The following LRRC19 variants were observed in gnomAD, a reference collection of about 807,000 sequenced individuals.
LRRC19 encodes leucine rich repeat containing 19.
In LRRC19, 33 loss-of-function variants were observed where a neutral mutation model predicts 33.3. That is an observed-to-expected ratio of 0.99 (90% CI 0.75 to 1.33). The LOEUF (loss-of-function observed/expected upper bound fraction) is 1.33. Among genes scored for constraint, LRRC19 ranks in the 40% most tolerant of loss-of-function variants. LRRC19 has a pLI of 0.00. For missense variants in LRRC19, 463 were observed against 417.3 expected (o/e 1.11, Z -0.95); for synonymous variants, 184 against 152.3 (o/e 1.21, Z -1.53).
intron 1 of LRRC19, among the ~76,000 whole-genome samples, chr9:27,001,195 C>A (rs1197545161): frequency 6.6e-6 from 1 of 151,794 alleles, no homozygotes; most frequent in Non-Finnish European, 1.5e-5. Flanking sequence ...TTTTTTTAAT[C>A]CATTCATCTG....
chr9:26,999,207 A>T (rs891854456), intron 2 of LRRC19, among the ~76,000 whole-genome samples: 1 of 152,226 alleles, frequency 6.6e-6, no homozygotes, highest in South Asian at 2.1e-4. Flanking sequence ...GTTTTTACTG[A>T]ACAGTAAACT....
At chr9:26,998,868 C>T (rs1376141353) in intron 2 of LRRC19, among the ~76,000 whole-genome samples, 1 of 151,826 alleles carries the variant, frequency 6.6e-6, no homozygotes, top group African/African-American at 2.4e-5. Flanking sequence ...GTGGCAAGCA[C>T]CTGTAATCCC....
rs1828001259 is a variant in LRRC19, at chr9:26,993,805, G to A, written c.*1716C>T. ...TGACCTTGCTCCATCCATACCTCTA[G>A]CCACTGTTCCATTCCACGTGTTATA... On this transcript the variant is annotated 3_prime_UTR_variant, in exon 5 of 5. Coordinates refer to ENST00000380055, the MANE Select transcript of LRRC19 (RefSeq NM_022901.3). The A allele has an allele frequency of 6.6e-6, 1 of 151,996 alleles. No homozygotes were observed. The highest frequency in any genetic ancestry group is 6.6e-5 in the Admixed American group (1 of 15,264). The allele number at this position is 151,996 out of a possible 1,614,324, so 9.4% of individuals were successfully genotyped here.
At chr9:26,998,538 T>C (rs1828295438) in intron 2 of LRRC19, among the ~76,000 whole-genome samples, 1 of 152,222 alleles carries the variant, frequency 6.6e-6, no homozygotes, top group South Asian at 2.1e-4. Context: ...AATATTCCCA[T>C]TTATATATGT....
intron 3 of LRRC19, among the ~76,000 whole-genome samples, 163 bp downstream of exon 3, chr9:26,997,565 C>T (rs1828230133): frequency 1.3e-5 from 2 of 152,160 alleles, no homozygotes; most frequent in African/African-American, 4.8e-5. Flanking sequence ...AACTCCTGAC[C>T]TCAGGTGATC....
In LRRC19 at chr9:26,993,159, A is replaced by C. The variant is rs895671691; in HGVS notation, c.*2362T>G. ...CATTTATTTTTCTTTGTGTAGTCAG[A>C]TATTTATTGAATACCCCATATTCAA... is the stretch of plus-strand genomic sequence containing the variant. On this transcript the variant is annotated 3_prime_UTR_variant, in exon 5 of 5. Transcript: ENST00000380055. 1 of 152,162 alleles carries C rather than the reference A, an allele frequency of 6.6e-6. No homozygotes were observed. Among genetic ancestry groups the C allele is most frequent in the Non-Finnish European group, 1.5e-5 (1 of 68,012 alleles). The allele number at this position is 152,162 out of a possible 1,614,324, so 9.4% of individuals were successfully genotyped here.
chr9:26,998,373 G>A (rs1828287108), intron 2 of LRRC19, 132 bp from the exon 3 acceptor site: 4 of 528,972 alleles, frequency 7.6e-6, no homozygotes, highest in African/African-American at 3.9e-5. Flanking sequence ...TAATATTTTG[G>A]TGTTACAGTA....
Position 26,995,526 on chromosome 9 carries a change from T to C in LRRC19, c.1108A>G (p.Asn370Asp). The C allele has an allele frequency of 6.5e-7, 1 of 1,530,694 alleles. No individual in the cohort carries two copies. Among genetic ancestry groups the C allele is most frequent in the Non-Finnish European group, 8.9e-7 (1 of 1,128,708 alleles). 94.8% of individuals were successfully genotyped at this position (1,530,694 alleles called of 1,614,324 possible). ...AAAGCAAACTTTGAAAGAAATTAAT[T>C]TTCTTCACATAATTCATGGATATCT... ...YIDIHELCEEN is the reference protein window; with the variant it reads ...YIDIHELCEED Residue 370 changes from asparagine (N) to aspartate (D), a missense_variant, in exon 5 of 5, where the codon AAT (asparagine) becomes GAT (aspartate). Transcript: ENST00000380055.
At position 26,995,839 on chromosome 9, in the gene LRRC19, A is replaced by G; in HGVS notation, c.795T>C (p.Pro265=). The G allele has an allele frequency of 6.2e-7, 1 of 1,602,512 alleles. No individual in the cohort carries two copies. Residue 265 remains proline, a synonymous_variant, in exon 5 of 5, where the codon CCT becomes CCC. Transcript: ENST00000380055. ...NNLTRNSEHE[P]LGKSWAFLVG... ...CAAGAAAAGCCCAACTTTTTCCAAG[A>G]GGTTCATGTTCTTTAATGGAATACC...
Position 26,995,038 on chromosome 9 carries a change from A to G in LRRC19, c.*483T>C, listed in dbSNP as rs1271584539. ...AAGCATTTCAAAAAAATATTTTCCA[A>G]CTCTATGATTTTATTCTGGGAGCAT... On this transcript the variant is annotated 3_prime_UTR_variant, in exon 5 of 5. Coordinates refer to ENST00000380055, the MANE Select transcript of LRRC19 (RefSeq NM_022901.3). 1 of 151,920 alleles carries G rather than the reference A, an allele frequency of 6.6e-6. No individual in the cohort carries two copies. The highest frequency in any genetic ancestry group is 1.5e-5 in the Non-Finnish European group (1 of 68,008). The allele number at this position is 151,920 out of a possible 1,614,324, so 9.4% of individuals were successfully genotyped here. A position where few individuals can be genotyped will look rare whatever the true frequency, so the allele number is the denominator to read the frequency against.
chr9:26,995,353 AC>A lies in LRRC19; in HGVS notation c.*167del. ...GAGGAGTGTCAGTTACTGTATTTGA[AC>A]CTGCTTGCTCAATATAATGCAAAGA... On this transcript the variant is annotated 3_prime_UTR_variant, in exon 5 of 5. Transcript: ENST00000380055. 1 of 544,232 alleles carries A rather than the reference AC, an allele frequency of 1.8e-6. No individual in the cohort carries two copies. The highest frequency in any genetic ancestry group is 5.0e-4 in the Middle Eastern group (1 of 2,006). The allele number at this position is 544,232 out of a possible 1,614,324, so 33.7% of individuals were successfully genotyped here.
chr9:26,997,407 C>T (rs1828221093), intron 3 of LRRC19, among the ~76,000 whole-genome samples: 1 of 146,496 alleles, frequency 6.8e-6, no homozygotes, highest in South Asian at 2.2e-4. Flanking sequence ...GATCTCGGCT[C>T]ACTGTAACAT....
rs1487690565 is a variant in LRRC19, at chr9:26,994,080, T to A, written c.*1441A>T. Reference sequence around the variant, plus strand: ...TCCTATTACAGCCGATAGGCCAGTGTTTTCCAAACTACGTTCTTTGGAATG... The same window carrying A: ...TCCTATTACAGCCGATAGGCCAGTGATTTCCAAACTACGTTCTTTGGAATG... On this transcript the variant is annotated 3_prime_UTR_variant, in exon 5 of 5. Coordinates refer to ENST00000380055, the MANE Select transcript of LRRC19 (RefSeq NM_022901.3). 6.6e-6 allele frequency: 1 copy of A among 152,204 alleles called. No homozygotes were observed. Among genetic ancestry groups the A allele is most frequent in the East Asian group, 1.9e-4 (1 of 5,202 alleles). 9.4% of individuals were successfully genotyped at this position (152,204 alleles called of 1,614,324 possible).
At chr9:27,002,591 G>A (rs1350549909) in intron 1 of LRRC19, among the ~76,000 whole-genome samples, 1 of 152,158 alleles carries the variant, frequency 6.6e-6, no homozygotes, top group Non-Finnish European at 1.5e-5. Context: ...TTGAAGATGA[G>A]TTGATGTAAA....
chr9:26,997,948 CTG>C lies in LRRC19; in HGVS notation c.373_374del (p.Gln125ValfsTer14), dbSNP rs1416782569. 1.2e-6 allele frequency: 2 copies of C among 1,613,786 alleles called. No individual in the cohort carries two copies. Among genetic ancestry groups the C allele is most frequent in the African/African-American group, 1.3e-5 (1 of 74,864 alleles). ...GAFLGLNKLKQLYLCQNKIEQ... is the reference protein window; with the variant it reads ...GAFLGLNKLKXLYLCQNKIEQ... The stretch of plus-strand genomic sequence containing the variant: ...CTATTTTGTTTTGGCAGAGATATAA[CTG>C]TTTTAGTTTATTTAAGCCTAAAAAT... On this transcript the variant is annotated frameshift_variant, in exon 3 of 5. Coordinates refer to ENST00000380055, the MANE Select transcript of LRRC19 (RefSeq NM_022901.3). LOFTEE classifies it high-confidence loss of function.
In LRRC19 at chr9:26,996,501, T is replaced by G. The variant is rs1347271559; in HGVS notation, c.596-2A>C. 1 of 1,423,850 alleles carries G rather than the reference T, an allele frequency of 7.0e-7. No individual in the cohort carries two copies. The highest frequency in any genetic ancestry group is 9.3e-7 in the Non-Finnish European group (1 of 1,075,540). 88.2% of individuals were successfully genotyped at this position (1,423,850 alleles called of 1,614,324 possible). A position where few individuals can be genotyped will look rare whatever the true frequency, so the allele number is the denominator to read the frequency against. ...TACACATGGTGATGTTCTCATTTTC[T>G]AGTAAATCAGAAAGAATAAGATTTA... is the stretch of plus-strand genomic sequence containing the variant. On this transcript the variant is annotated splice_acceptor_variant, in intron 3 of 4. Coordinates refer to ENST00000380055, the MANE Select transcript of LRRC19 (RefSeq NM_022901.3). LOFTEE classifies it high-confidence loss of function.
rs1476679741 is a variant in LRRC19 at position 26,996,437 on chromosome 9, C to G, written c.658G>C (p.Val220Leu). 10 of 1,595,010 alleles carry G rather than the reference C, an allele frequency of 6.3e-6. No homozygotes were observed. The highest frequency in any genetic ancestry group is 8.6e-6 in the Non-Finnish European group (10 of 1,168,334). ...GAGTGGCATTCAGCCTTATGAGGTA[C>G]TGTTTTGATATTGTAGCTCTGCAGG... Reference protein sequence around the residue: ...NSLQSYNIKTVPHKAECHSKF... With the variant: ...NSLQSYNIKTLPHKAECHSKF... Residue 220 changes from valine to leucine, a missense_variant, in exon 4 of 5, where the codon GTA becomes CTA. Val to Leu is a conservative substitution (Grantham distance 32). Transcript: ENST00000380055.
At chr9:27,001,913 A>G (rs1273375755) in intron 1 of LRRC19, among the ~76,000 whole-genome samples, 1 of 150,846 alleles carries the variant, frequency 6.6e-6, no homozygotes, top group Non-Finnish European at 1.5e-5. Flanking sequence ...AGTGTTCTAG[A>G]GCAATTCTCC....
At chr9:26,999,220 G>A (rs1024578366) in intron 2 of LRRC19, among the ~76,000 whole-genome samples, 12 of 152,108 alleles carry the variant, frequency 7.9e-5, no homozygotes, top group African/African-American at 2.9e-4. Context: ...AGTAAACTAA[G>A]AATAAATAGA....
Sources: allele counts gnomAD v4.1 joint callset (sites outside exome capture counted in the v4.1 genomes callset), GRCh38; gene constraint gnomAD v4.1.1; transcripts MANE v1.5; gene names NCBI Gene and HGNC (gene_info 2026-07-23, HGNC 2026-07-21).